The following TAFA2 variants were observed in gnomAD, a reference collection of about 807,000 sequenced individuals.
The protein encoded by TAFA2 is TAFA chemokine like family member 2.
In TAFA2, 7 loss-of-function variants were observed where a neutral mutation model predicts 18.8. That is an observed-to-expected ratio of 0.37 (90% CI 0.21 to 0.70). TAFA2 has a LOEUF of 0.70. Ranked by LOEUF, TAFA2 falls within the 30% of genes least tolerant of loss-of-function variation. The pLI, the probability that TAFA2 is intolerant of heterozygous loss-of-function variation, is 0.53. For missense variants in TAFA2, 122 were observed against 158.1 expected, an observed-to-expected ratio of 0.77 and a Z score of 1.23; for synonymous variants, 60 against 54.2, an observed-to-expected ratio of 1.11 and a Z score of -0.47.
intron 1 of TAFA2, among the ~76,000 whole-genome samples, chr12:62,084,501 G>T (rs1868377346): frequency 6.6e-6 from 1 of 152,124 alleles, no homozygotes; most frequent in Non-Finnish European, 1.5e-5. Flanking sequence ...AGCAGTGTTT[G>T]GAGGTGAGTC....
At chr12:61,890,312 G>A (rs1316226865) in intron 1 of TAFA2, 1 of 152,196 alleles carries the variant, frequency 6.6e-6, no homozygotes, top group Non-Finnish European at 1.5e-5. Context: ...CAAGTAATTT[G>A]CCACTCTCAT....
intron 1 of TAFA2, among the ~76,000 whole-genome samples, chr12:62,018,818 A>G (rs538610934): frequency 1.3e-5 from 2 of 152,350 alleles, no homozygotes; most frequent in African/African-American, 4.8e-5. Flanking sequence ...GCCAAAATTG[A>G]CAAATGGGAT....
intron 1 of TAFA2, among the ~76,000 whole-genome samples, chr12:62,207,797 G>A (rs1375344368): frequency 2.6e-5 from 4 of 152,142 alleles, no homozygotes; most frequent in South Asian, 2.1e-4. Flanking sequence ...TTACAAGCAC[G>A]TAGACATTTT....
intron 1 of TAFA2, among the ~76,000 whole-genome samples, chr12:61,964,352 C>T (rs762774034): frequency 1.3e-5 from 2 of 151,866 alleles, no homozygotes; most frequent in Admixed American, 6.6e-5. Flanking sequence ...CTAATTTAGA[C>T]TATTGTTTTA....
chr12:62,212,877 T>C (rs533461716), intron 1 of TAFA2, among the ~76,000 whole-genome samples: 1 of 152,328 alleles, frequency 6.6e-6, no homozygotes, highest in East Asian at 1.9e-4. Context: ...ATCCAAAAGA[T>C]ATAAATGTTA....
At chr12:61,775,124 C>T (rs538452119) in intron 2 of TAFA2, among the ~76,000 whole-genome samples, 22 of 151,896 alleles carry the variant, frequency 1.4e-4, no homozygotes, top group Admixed American at 1.4e-3. Flanking sequence ...TATCACTATA[C>T]ACCTCTTAGA....
At chr12:61,792,621 G>A (rs946461662) in intron 2 of TAFA2, among the ~76,000 whole-genome samples, 2 of 150,610 alleles carry the variant, frequency 1.3e-5, no homozygotes, top group African/African-American at 4.9e-5. Context: ...ACTAAACATA[G>A]AAAACTGATG....
chr12:61,896,875 C>T (rs2168454), intron 1 of TAFA2, among the ~76,000 whole-genome samples: 82,838 of 151,922 alleles, frequency 0.55, 23,905 homozygotes, highest in African/African-American at 0.74. Context: ...TTTTGCCTGC[C>T]ATCAAGCTAT....
chr12:61,899,836 C>T (rs554852645), intron 1 of TAFA2, among the ~76,000 whole-genome samples: 10 of 152,206 alleles, frequency 6.6e-5, no homozygotes, highest in South Asian at 4.1e-4. Context: ...ATTTATGTAG[C>T]GTTCATATTC....
intron 1 of TAFA2, among the ~76,000 whole-genome samples, chr12:61,940,548 G>T (rs549190835): frequency 6.6e-6 from 1 of 152,182 alleles, no homozygotes; most frequent in Non-Finnish European, 1.5e-5. Context: ...CAAGCACCTG[G>T]CTTTAGAGGT....
At chr12:61,762,989 C>G (rs1869626780) in intron 2 of TAFA2, among the ~76,000 whole-genome samples, 1 of 149,734 alleles carries the variant, frequency 6.7e-6, no homozygotes, top group African/African-American at 2.4e-5. Flanking sequence ...TGCTGTAAAT[C>G]ACTTTAAATT....
chr12:61,753,055 A>G (rs541814054), intron 4 of TAFA2, among the ~76,000 whole-genome samples: 44 of 152,066 alleles, frequency 2.9e-4, no homozygotes, highest in African/African-American at 1.0e-3. Context: ...GCTGAAATAC[A>G]TCAGTGTCTT....
chr12:62,027,268 A>G (rs1366589116), intron 1 of TAFA2, among the ~76,000 whole-genome samples: 1 of 152,190 alleles, frequency 6.6e-6, no homozygotes, highest in East Asian at 1.9e-4. Context: ...CATGCAGCAT[A>G]CAGCCCTTTA....
At chr12:61,844,931 C>A (rs1592429286) in intron 2 of TAFA2, among the ~76,000 whole-genome samples, 1 of 152,040 alleles carries the variant, frequency 6.6e-6, no homozygotes, top group East Asian at 1.9e-4. Flanking sequence ...TAATGCAAAG[C>A]AACTATCCAA....
At chr12:61,885,341 A>T (rs772909124) in intron 1 of TAFA2, among the ~76,000 whole-genome samples, 38 of 152,168 alleles carry the variant, frequency 2.5e-4, no homozygotes, top group Non-Finnish European at 4.4e-4. Context: ...TTTTGCACAA[A>T]GGGAGAAGAA....
intron 1 of TAFA2, among the ~76,000 whole-genome samples, chr12:62,243,058 A>T (rs887779826): frequency 2.0e-5 from 3 of 152,250 alleles, no homozygotes; most frequent in African/African-American, 7.2e-5. Context: ...AGCCTAAATT[A>T]TTAAGATTTT....
intron 1 of TAFA2, among the ~76,000 whole-genome samples, chr12:62,042,083 GA>G (rs1409283410): frequency 2.0e-5 from 3 of 151,992 alleles, no homozygotes; most frequent in Non-Finnish European, 4.4e-5. Context: ...GATCAGGATG[GA>G]AAGTCTCAAA....
chr12:62,203,244 GT>G (rs1235916904), intron 1 of TAFA2, among the ~76,000 whole-genome samples: 7 of 152,192 alleles, frequency 4.6e-5, no homozygotes, highest in African/African-American at 1.7e-4. Flanking sequence ...GCTGAGGAGT[GT>G]TTTACTTCCA....
chr12:62,110,469 G>A (rs541968241), intron 1 of TAFA2, among the ~76,000 whole-genome samples: 152 of 152,214 alleles, frequency 1.0e-3, no homozygotes, highest in African/African-American at 3.3e-3. Flanking sequence ...TGAGGTTTTG[G>A]TAACAGAATG....
Sources: gnomAD v4.1 joint callset for allele counts (sites outside exome capture counted in the v4.1 genomes callset) on GRCh38, gnomAD v4.1.1 for gene constraint, MANE v1.5 for transcripts, NCBI Gene and HGNC (gene_info 2026-07-23, HGNC 2026-07-21) for gene names.